CMSS1: variants seen among roughly 807,000 people sequenced by gnomAD.
The protein encoded by CMSS1 is protein CMSS1.
In CMSS1, 33 loss-of-function variants were observed where a neutral mutation model predicts 43.5. The observed-to-expected ratio is 0.76, with a 90% CI of 0.57 to 1.01. The LOEUF (loss-of-function observed/expected upper bound fraction) is 1.01, where lower values mean the gene tolerates loss of function less well. Among genes scored for constraint, CMSS1 ranks in the 50% least tolerant of loss-of-function variants. The probability of loss-of-function intolerance (pLI) is 0.00; values close to 1 mark genes in which losing one functional copy is unlikely to be tolerated. For missense variants in CMSS1, 313 were observed against 326.4 expected, an observed-to-expected ratio of 0.96 and a Z score of 0.32; for synonymous variants, 115 against 117.2, an observed-to-expected ratio of 0.98 and a Z score of 0.12.
chr3:99,847,646 G>A (rs1338000545), intron 1 of CMSS1, among the ~76,000 whole-genome samples: 2 of 152,140 alleles, frequency 1.3e-5, no homozygotes, highest in Non-Finnish European at 2.9e-5. Context: ...TCTAAGCACT[G>A]TGCTGGGCTC....
At chr3:99,927,501 C>G (rs1707332235) in intron 1 of CMSS1, among the ~76,000 whole-genome samples, 1 of 151,976 alleles carries the variant, frequency 6.6e-6, no homozygotes, top group Non-Finnish European at 1.5e-5. Context: ...TCCCAAGTAG[C>G]TGGGATTACA....
intron 1 of CMSS1, among the ~76,000 whole-genome samples, chr3:99,875,172 A>G (rs889199318): frequency 1.2e-4 from 19 of 152,296 alleles, no homozygotes; most frequent in African/African-American, 4.1e-4. Flanking sequence ...TTTAATTCCT[A>G]CGTTGACTTT....
chr3:99,874,796 T>C (rs1025118949), intron 1 of CMSS1, among the ~76,000 whole-genome samples: 10 of 152,248 alleles, frequency 6.6e-5, no homozygotes, highest in African/African-American at 1.7e-4. Context: ...TGACATTTTC[T>C]TCTGACAATT....
chr3:99,868,710 A>G (rs936121147), intron 1 of CMSS1, among the ~76,000 whole-genome samples: 9 of 152,120 alleles, frequency 5.9e-5, no homozygotes, highest in Admixed American at 6.6e-5. Context: ...CTCCTTTCAT[A>G]ATAGACTTCT....
rs538744249 is a variant in CMSS1 at position 100,092,958 on chromosome 3, C to G, written c.65-54015C>G. 3.1e-4 allele frequency among the ~76,000 whole-genome samples: 47 copies of G among 152,030 alleles called. 1 individual carries two copies. Among genetic ancestry groups the G allele is most frequent in the South Asian group, 1.0e-3 (5 of 4,812 alleles). On this transcript the variant is annotated intron_variant, in intron 1 of 9. Transcript: ENST00000421999. Reference sequence around the variant, plus strand: ...GACATTCTCCTGGATACACATAACTCTCACTACCTATGGATCCAGCCTGAT... The same window carrying G: ...GACATTCTCCTGGATACACATAACTGTCACTACCTATGGATCCAGCCTGAT...
At chr3:99,923,725 A>T (rs1707196357) in intron 1 of CMSS1, among the ~76,000 whole-genome samples, 1 of 152,098 alleles carries the variant, frequency 6.6e-6, no homozygotes. Flanking sequence ...ATAACTGATC[A>T]TCTTATTTTC....
chr3:99,942,133 G>A (rs1707868897), intron 1 of CMSS1, among the ~76,000 whole-genome samples: 1 of 151,910 alleles, frequency 6.6e-6, no homozygotes, highest in South Asian at 2.1e-4. Flanking sequence ...CCTGGGAGGT[G>A]GAGCTTTGTA....
At chr3:100,105,465 TA>T (rs1462113914) in intron 1 of CMSS1, among the ~76,000 whole-genome samples, 1 of 152,196 alleles carries the variant, frequency 6.6e-6, no homozygotes, top group Non-Finnish European at 1.5e-5. Flanking sequence ...AGACTGCTAT[TA>T]AAATGTTAAC....
intron 1 of CMSS1, among the ~76,000 whole-genome samples, chr3:100,108,598 A>G (rs2107471564): frequency 1.3e-5 from 2 of 152,298 alleles, no homozygotes; most frequent in Middle Eastern, 6.8e-3. Context: ...TTCAATTCAA[A>G]CAGTCCTCAC....
At chr3:100,017,695 G>A (rs1402713808) in intron 1 of CMSS1, among the ~76,000 whole-genome samples, 6 of 151,216 alleles carry the variant, frequency 4.0e-5, no homozygotes, top group South Asian at 2.1e-4. Flanking sequence ...GAGGCCCAGC[G>A]GGGAGGATCC....
intron 1 of CMSS1, among the ~76,000 whole-genome samples, chr3:100,022,531 G>A (rs1217243507): frequency 6.6e-6 from 1 of 152,168 alleles, no homozygotes; most frequent in Non-Finnish European, 1.5e-5. Flanking sequence ...TATTGGACCT[G>A]AGTATTCAAA....
chr3:100,101,461 A>G (rs1378559096), intron 1 of CMSS1, among the ~76,000 whole-genome samples: 1 of 152,160 alleles, frequency 6.6e-6, no homozygotes, highest in Non-Finnish European at 1.5e-5. Flanking sequence ...AGAAAAATGC[A>G]GAGAGGCAGC....
intron 2 of CMSS1, among the ~76,000 whole-genome samples, chr3:100,154,819 A>G (rs1464682536): frequency 2.0e-5 from 3 of 152,070 alleles, no homozygotes; most frequent in African/African-American, 7.2e-5. Context: ...CAAAAAATAC[A>G]AAAGTAGCTA....
intron 1 of CMSS1, among the ~76,000 whole-genome samples, chr3:100,075,279 A>C (rs2065832289): frequency 6.6e-6 from 1 of 152,252 alleles, no homozygotes; most frequent in Non-Finnish European, 1.5e-5. Context: ...ATGACACAAG[A>C]GAACAATCTA....
At chr3:100,029,748 T>C (rs2064990248) in intron 1 of CMSS1, among the ~76,000 whole-genome samples, 1 of 152,190 alleles carries the variant, frequency 6.6e-6, no homozygotes, top group African/African-American at 2.4e-5. Context: ...TTCAAAATTC[T>C]GCTAGACAAA....
At chr3:99,948,307 A>G (rs779762789) in intron 1 of CMSS1, among the ~76,000 whole-genome samples, 2 of 152,132 alleles carry the variant, frequency 1.3e-5, no homozygotes, top group Non-Finnish European at 2.9e-5. Context: ...AGCCTTAGCA[A>G]CATAGTGAGA....
chr3:99,822,045 C>CA (rs1418031220), intron 1 of CMSS1, among the ~76,000 whole-genome samples: 2 of 150,554 alleles, frequency 1.3e-5, no homozygotes, highest in East Asian at 3.9e-4. Flanking sequence ...GACTCTGTCT[C>CA]AAAAAAAAGA....
chr3:99,937,934 T>C (rs1707730777), intron 1 of CMSS1, among the ~76,000 whole-genome samples: 1 of 152,134 alleles, frequency 6.6e-6, no homozygotes, highest in South Asian at 2.1e-4. Context: ...ACAGAAAACC[T>C]GTAGGAAGGG....
At chr3:100,060,323 T>G (rs1019079401) in intron 1 of CMSS1, among the ~76,000 whole-genome samples, 6 of 152,088 alleles carry the variant, frequency 3.9e-5, no homozygotes, top group Non-Finnish European at 2.9e-5. Flanking sequence ...TTTAACTGTT[T>G]CCCACTCCAC....
Sources: gnomAD v4.1 joint callset for allele counts (sites outside exome capture counted in the v4.1 genomes callset) on GRCh38, gnomAD v4.1.1 for gene constraint, MANE v1.5 for transcripts, NCBI Gene and HGNC (gene_info 2026-07-23, HGNC 2026-07-21) for gene names.